ANKS1B: variants seen among roughly 807,000 people sequenced by gnomAD.
ANKS1B encodes ankyrin repeat and sterile alpha motif domain-containing protein 1B.
ANKS1B carries 36 observed loss-of-function variants against 148.3 expected under a neutral mutation model. The ratio of observed to expected loss-of-function variants is 0.24; its 90% CI spans 0.19 to 0.32. The LOEUF (loss-of-function observed/expected upper bound fraction) is 0.32. Ranked by LOEUF, ANKS1B falls within the 10% of genes least tolerant of loss-of-function variation. The probability of loss-of-function intolerance (pLI) is 1.00; values close to 1 mark genes in which losing one functional copy is unlikely to be tolerated. For synonymous variants in ANKS1B, 542 were observed against 560.8 expected (o/e 0.97, Z 0.47); for missense variants, 1,157 against 1,542.6 (o/e 0.75, Z 4.19).
intron 17 of ANKS1B, among the ~76,000 whole-genome samples, chr12:98,864,671 T>TTAAAACA (rs1349449508): frequency 6.6e-6 from 1 of 152,226 alleles, no homozygotes; most frequent in Non-Finnish European, 1.5e-5. Context: ...GGCCAATTCC[T>TTAAAACA]TAAAACATAC....
intron 8 of ANKS1B, among the ~76,000 whole-genome samples, chr12:99,667,004 T>C (rs1006491325): frequency 6.6e-6 from 1 of 152,098 alleles, no homozygotes; most frequent in African/African-American, 2.4e-5. Context: ...TTATTCATCT[T>C]ATAACTGAAA....
chr12:99,892,781 C>A (rs2093180465), intron 1 of ANKS1B, among the ~76,000 whole-genome samples: 1 of 152,140 alleles, frequency 6.6e-6, no homozygotes, highest in Non-Finnish European at 1.5e-5. Flanking sequence ...AGGTTCTCTG[C>A]GATGAAGAAT....
At chr12:99,793,760 G>C (rs1423224915) in intron 4 of ANKS1B, among the ~76,000 whole-genome samples, 2 of 151,878 alleles carry the variant, frequency 1.3e-5, no homozygotes, top group African/African-American at 4.8e-5. Flanking sequence ...TATTGGTCTC[G>C]GCAAAGATTT....
rs978305863 is a variant in ANKS1B at position 99,912,284 on chromosome 12, G to A, written c.134+71820C>T. ...TTCACTGTTTTACAGTGTGTTTACTGTTTACAGTGAGTTTGGTTTCAGTTT... is the reference window on the plus strand; with the variant it reads ...TTCACTGTTTTACAGTGTGTTTACTATTTACAGTGAGTTTGGTTTCAGTTT... On this transcript the variant is annotated intron_variant, in intron 1 of 26. Coordinates refer to ENST00000683438, the MANE Select transcript of ANKS1B (RefSeq NM_001352186.2). 2.6e-5 allele frequency among the ~76,000 whole-genome samples: 4 copies of A among 151,926 alleles called. No homozygotes were observed. In the South Asian group the frequency reaches 6.2e-4, roughly 24 times the overall value.
chr12:99,434,650 T>C (rs141395334), intron 11 of ANKS1B, among the ~76,000 whole-genome samples: 179 of 152,262 alleles, frequency 1.2e-3, no homozygotes, highest in African/African-American at 4.2e-3. Context: ...ATTTAATCAA[T>C]ATTTCCTCAT....
chr12:99,644,896 A>G (rs1216791161), intron 9 of ANKS1B, among the ~76,000 whole-genome samples: 3 of 152,052 alleles, frequency 2.0e-5, no homozygotes, highest in Non-Finnish European at 4.4e-5. Flanking sequence ...CCATGGCTGC[A>G]CCACTCTGAC....
At chr12:99,240,106 G>T (rs149767742) in intron 14 of ANKS1B, among the ~76,000 whole-genome samples, 1 of 152,080 alleles carries the variant, frequency 6.6e-6, no homozygotes, top group Non-Finnish European at 1.5e-5. Flanking sequence ...CCTATTAAAA[G>T]ACACAGACTG....
In ANKS1B at chr12:99,474,491, T is replaced by C. The variant is rs186777049; in HGVS notation, c.1438+29985A>G. Among the ~76,000 whole-genome samples the C allele has an allele frequency of 7.9e-5, 12 of 152,064 alleles. No individual in the cohort carries two copies. The East Asian group carries it at 1.9e-3, about 24-fold the overall frequency. Reference sequence around the variant, plus strand: ...AATTATCCCCAATAAAAACCAAACATGGGGCTAAAAAGTTAGACACATTTT... The same window carrying C: ...AATTATCCCCAATAAAAACCAAACACGGGGCTAAAAAGTTAGACACATTTT... On this transcript the variant is annotated intron_variant, in intron 10 of 26. Transcript: ENST00000683438.
At chr12:99,215,792 G>A (rs1311789515) in intron 14 of ANKS1B, among the ~76,000 whole-genome samples, 1 of 152,190 alleles carries the variant, frequency 6.6e-6, no homozygotes, top group Non-Finnish European at 1.5e-5. Context: ...TGGGCTCATG[G>A]GCAGAAGAGA....
chr12:99,543,363 T>G (rs370738608), intron 9 of ANKS1B, among the ~76,000 whole-genome samples: 69 of 152,226 alleles, frequency 4.5e-4, no homozygotes, highest in African/African-American at 1.6e-3. Flanking sequence ...CCTTCATACA[T>G]TGCTGGTGGT....
intron 17 of ANKS1B, among the ~76,000 whole-genome samples, chr12:98,941,366 A>G (rs1362465026): frequency 6.6e-6 from 1 of 152,200 alleles, no homozygotes; most frequent in Non-Finnish European, 1.5e-5. Context: ...CAAAAAGCAT[A>G]TAAATATGAA....
intron 17 of ANKS1B, among the ~76,000 whole-genome samples, chr12:98,978,050 A>C (rs1396886720): frequency 6.6e-6 from 1 of 152,146 alleles, no homozygotes; most frequent in African/African-American, 2.4e-5. Flanking sequence ...AGTTTGTTTT[A>C]ATCTATGTCT....
In ANKS1B at chr12:98,751,938, A is replaced by G. The variant is rs1481798374; in HGVS notation, c.3580-416T>C. Among the ~76,000 whole-genome samples, 1 of 152,262 alleles carries G rather than the reference A, an allele frequency of 6.6e-6. No homozygotes were observed. The highest frequency in any genetic ancestry group is 2.1e-4 in the South Asian group (1 of 4,830). ...GCCTCTGCTCATGTGAGATAAATGCATATCAGATTGCTTCCCCTGTCCTGT... is the reference window on the plus strand; with the variant it reads ...GCCTCTGCTCATGTGAGATAAATGCGTATCAGATTGCTTCCCCTGTCCTGT... On this transcript the variant is annotated intron_variant, in intron 25 of 26. Coordinates refer to ENST00000683438, the MANE Select transcript of ANKS1B (RefSeq NM_001352186.2). The surrounding 1 kb of genome is among the most constrained non-coding windows in gnomAD (Gnocchi z 4.3).
At chr12:98,851,662 T>C (rs2099526875) in intron 17 of ANKS1B, among the ~76,000 whole-genome samples, 1 of 152,170 alleles carries the variant, frequency 6.6e-6, no homozygotes, top group South Asian at 2.1e-4. Context: ...CTTGGAAAGA[T>C]GTCCAGCATA....
intron 1 of ANKS1B, among the ~76,000 whole-genome samples, chr12:99,845,320 T>C (rs1256396414): frequency 6.6e-6 from 1 of 152,118 alleles, no homozygotes; most frequent in African/African-American, 2.4e-5. Context: ...CAAGGGGAAT[T>C]CTTCCAGCTT....
intron 12 of ANKS1B, among the ~76,000 whole-genome samples, chr12:99,253,643 C>T (rs369431374): frequency 3.3e-5 from 5 of 152,170 alleles, no homozygotes; most frequent in South Asian, 2.1e-4. Flanking sequence ...CAGAAAGACA[C>T]GAGCCCATAA....
intron 11 of ANKS1B, among the ~76,000 whole-genome samples, chr12:99,436,251 A>G (rs1189821702): frequency 1.3e-5 from 2 of 152,048 alleles, no homozygotes; most frequent in Non-Finnish European, 2.9e-5. Context: ...GCTAATTAGC[A>G]TTAATGGAAA....
At chr12:99,765,724 C>T (rs370511752) in intron 8 of ANKS1B, among the ~76,000 whole-genome samples, 12 of 152,260 alleles carry the variant, frequency 7.9e-5, no homozygotes, top group East Asian at 7.7e-4. Context: ...ATCCCCTCTA[C>T]GTTGACATTT....
intron 9 of ANKS1B, among the ~76,000 whole-genome samples, chr12:99,522,071 C>T (rs1277825901): frequency 6.6e-6 from 1 of 152,218 alleles, no homozygotes; most frequent in East Asian, 1.9e-4. Flanking sequence ...TATTCTACTG[C>T]AGGTAAGCTG....
Sources: gnomAD v4.1 joint callset for allele counts (sites outside exome capture counted in the v4.1 genomes callset) on GRCh38, gnomAD v4.1.1 for gene constraint, Gnocchi (gnomAD v3.1) non-coding constraint, MANE v1.5 for transcripts, NCBI Gene and HGNC (gene_info 2026-07-23, HGNC 2026-07-21) for gene names.